The following SNTG2 variants were observed in gnomAD, a reference collection of about 807,000 sequenced individuals.
The protein encoded by SNTG2 is syntrophin gamma 2, also known as gamma-2-syntrophin.
SNTG2 carries 74 observed loss-of-function variants against 70.9 expected under a neutral mutation model. The ratio of observed to expected loss-of-function variants is 1.04; its 90% CI spans 0.86 to 1.27. The LOEUF (loss-of-function observed/expected upper bound fraction) is 1.27, where lower values mean the gene tolerates loss of function less well. Among genes scored for constraint, SNTG2 ranks in the 50% most tolerant of loss-of-function variants. SNTG2 has a pLI of 0.00. For missense variants in SNTG2, 717 were observed against 690.7 expected, an observed-to-expected ratio of 1.04 and a Z score of -0.43; for synonymous variants, 278 against 273.8, an observed-to-expected ratio of 1.02 and a Z score of -0.15.
At chr2:1,278,409 A>C (rs1679358003) in intron 14 of SNTG2, among the ~76,000 whole-genome samples, 1 of 152,204 alleles carries the variant, frequency 6.6e-6, no homozygotes, top group South Asian at 2.1e-4. Context: ...GGAGGGCACC[A>C]GGTGCTAGTG....
Position 1,137,786 on chromosome 2 carries a change from G to T in SNTG2, c.388G>T (p.Glu130Ter). The stretch of plus-strand genomic sequence containing the variant: ...TGTTCAGGTTAATGGCATACATGTA[G>T]AAAATGCAACTCATGAAGAAGTGGT... ...AVLQVNGIHV[E>*]NATHEEVVHL... Residue 130 changes from glutamate to a stop codon, truncating the protein, a stop_gained, in exon 6 of 17, where the codon GAA becomes TAA. Coordinates refer to ENST00000308624, the MANE Select transcript of SNTG2 (RefSeq NM_018968.4). LOFTEE classifies it high-confidence loss of function. 6.2e-7 allele frequency: 1 copy of T among 1,613,388 alleles called. No individual in the cohort carries two copies. Among genetic ancestry groups the T allele is most frequent in the Non-Finnish European group, 8.5e-7 (1 of 1,179,668 alleles).
At chr2:1,131,833 G>A (rs1350617875) in intron 4 of SNTG2, among the ~76,000 whole-genome samples, 1 of 151,918 alleles carries the variant, frequency 6.6e-6, no homozygotes, top group Non-Finnish European at 1.5e-5. Context: ...TGTATTTTTA[G>A]TAGAGACGGG....
intron 14 of SNTG2, among the ~76,000 whole-genome samples, chr2:1,281,414 TGTGTGTGTGTGGTGTG>T (rs1679531739): frequency 8.0e-6 from 1 of 125,550 alleles, no homozygotes; most frequent in Admixed American, 8.1e-5. Flanking sequence ...GTGTGTTGTG[TGTGTGTGTGTGGTGTG>T]GTGTGTGTGT....
At chr2:1,210,535 G>A (rs1022064957) in intron 9 of SNTG2, 2 of 152,182 alleles carry the variant, frequency 1.3e-5, no homozygotes, top group Non-Finnish European at 2.9e-5. Context: ...TGACTCACGT[G>A]TTTGTGGTGA....
chr2:1,278,208 C>T (rs945313862), intron 14 of SNTG2, among the ~76,000 whole-genome samples: 1 of 152,214 alleles, frequency 6.6e-6, no homozygotes, highest in African/African-American at 2.4e-5. Context: ...TTTGGGACAA[C>T]TCAATCAAGT....
At chr2:1,245,652 A>G (rs1279346909) in intron 11 of SNTG2, among the ~76,000 whole-genome samples, 1 of 152,246 alleles carries the variant, frequency 6.6e-6, no homozygotes, top group Non-Finnish European at 1.5e-5. Flanking sequence ...TTTACAGAGT[A>G]TAAATGCTAG....
chr2:1,287,611 G>A (rs1322238386), intron 14 of SNTG2, among the ~76,000 whole-genome samples: 1 of 152,210 alleles, frequency 6.6e-6, no homozygotes, highest in African/African-American at 2.4e-5. Flanking sequence ...AGTGACGGCG[G>A]AACGTGCTCC....
rs1340313889 is a variant in SNTG2 at position 982,331 on chromosome 2, T to G, written c.72+31263T>G. Among the ~76,000 whole-genome samples the G allele has an allele frequency of 3.9e-5, 6 of 152,236 alleles. No individual in the cohort carries two copies. The East Asian group carries it at 1.2e-3, about 29-fold the overall frequency. On this transcript the variant is annotated intron_variant, in intron 1 of 16. Coordinates refer to ENST00000308624, the MANE Select transcript of SNTG2 (RefSeq NM_018968.4). ...TAGAGGAATTCACGTTCCACACTTTTTCTTTGAGAATAATTGGTGTTTCAA... is the reference window on the plus strand; with the variant it reads ...TAGAGGAATTCACGTTCCACACTTTGTCTTTGAGAATAATTGGTGTTTCAA...
At chr2:1,122,655 C>G (rs1026152334) in intron 4 of SNTG2, among the ~76,000 whole-genome samples, 3 of 147,398 alleles carry the variant, frequency 2.0e-5, no homozygotes, top group Admixed American at 6.9e-5. Flanking sequence ...CTCTGCAAGA[C>G]AAGGATGCCC....
chr2:1,310,194 CCT>C (rs1317641016), intron 15 of SNTG2, among the ~76,000 whole-genome samples: 15 of 152,198 alleles, frequency 9.9e-5, no homozygotes, highest in Non-Finnish European at 2.2e-4. Flanking sequence ...CCCCTGGGGT[CCT>C]GTGTGTCCCT....
intron 6 of SNTG2, among the ~76,000 whole-genome samples, chr2:1,148,064 G>C (rs1348401393): frequency 6.6e-6 from 1 of 152,178 alleles, no homozygotes; most frequent in African/African-American, 2.4e-5. Flanking sequence ...GCATTTTTCT[G>C]GCTCCTTGTT....
At chr2:1,173,244 A>G (rs1671247823) in intron 8 of SNTG2, 61 bp downstream of exon 8, 3 of 1,425,616 alleles carry the variant, frequency 2.1e-6, no homozygotes, top group Non-Finnish European at 3.0e-6. Flanking sequence ...CCCAGAGATA[A>G]TCTCTAGACA....
rs1266051431 is a variant in SNTG2, at chr2:1,137,781, A to G, written c.383A>G (p.His128Arg). 3.1e-6 allele frequency: 5 copies of G among 1,613,406 alleles called. No individual in the cohort carries two copies. The highest frequency in any genetic ancestry group is 1.7e-5 in the Admixed American group (1 of 60,002). ...TCATCTGTTCAGGTTAATGGCATAC[A>G]TGTAGAAAATGCAACTCATGAAGAA... is the stretch of plus-strand genomic sequence containing the variant. ...GDAVLQVNGIHVENATHEEVV... is the reference protein window; with the variant it reads ...GDAVLQVNGIRVENATHEEVV... Residue 128 changes from histidine (H) to arginine (R), a missense_variant, in exon 6 of 17, where the codon CAT becomes CGT. Coordinates refer to ENST00000308624, the MANE Select transcript of SNTG2 (RefSeq NM_018968.4).
intron 13 of SNTG2, among the ~76,000 whole-genome samples, chr2:1,261,966 C>CG (rs944183301): frequency 1.1e-4 from 16 of 152,068 alleles, no homozygotes; most frequent in Admixed American, 8.5e-4. Context: ...GGGAGCCTGT[C>CG]GCGAGTGGCC....
chr2:1,129,261 C>T (rs759425281), intron 4 of SNTG2, among the ~76,000 whole-genome samples: 8 of 152,224 alleles, frequency 5.3e-5, no homozygotes, highest in African/African-American at 1.9e-4. Context: ...CCTTCTTTGA[C>T]GCTGTTTTAG....
intron 6 of SNTG2, among the ~76,000 whole-genome samples, chr2:1,152,550 G>A (rs1232382957): frequency 5.6e-5 from 8 of 141,964 alleles, no homozygotes; most frequent in Admixed American, 4.3e-4. Context: ...GTGCACACAC[G>A]TATGTTTCTA....
chr2:1,035,860 TA>T (rs1284244276), intron 1 of SNTG2, among the ~76,000 whole-genome samples: 1 of 152,216 alleles, frequency 6.6e-6, no homozygotes, highest in Non-Finnish European at 1.5e-5. Context: ...GGAACATGAG[TA>T]TTTGTCTACA....
intron 14 of SNTG2, among the ~76,000 whole-genome samples, chr2:1,290,956 A>T (rs1426807324): frequency 6.6e-6 from 1 of 152,236 alleles, no homozygotes; most frequent in Non-Finnish European, 1.5e-5. Context: ...CATTCCTAGC[A>T]ATAGTACACA....
chr2:1,268,153 A>G (rs1166669154), intron 14 of SNTG2, among the ~76,000 whole-genome samples: 2 of 152,198 alleles, frequency 1.3e-5, no homozygotes, highest in Non-Finnish European at 2.9e-5. Flanking sequence ...TATCCTAAAT[A>G]GCGGGATGAT....
Sources: gnomAD v4.1 joint callset for allele counts (sites outside exome capture counted in the v4.1 genomes callset) on GRCh38, gnomAD v4.1.1 for gene constraint, MANE v1.5 for transcripts, NCBI Gene and HGNC (gene_info 2026-07-23, HGNC 2026-07-21) for gene names.